The following HOXD3 variants were observed in gnomAD, a reference collection of about 807,000 sequenced individuals.
HOXD3 encodes homeobox D3.
In HOXD3, 13 loss-of-function variants were observed where a neutral mutation model predicts 32.8. That is an observed-to-expected ratio of 0.40 (90% CI 0.26 to 0.63). The LOEUF is 0.63. HOXD3 is among the 20% of genes least tolerant of loss of function. The pLI is 0.44. For synonymous variants in HOXD3, 241 were observed against 246.8 expected, an observed-to-expected ratio of 0.98 and a Z score of 0.22; for missense variants, 504 against 577.1, an observed-to-expected ratio of 0.87 and a Z score of 1.30.
chr2:176,167,587 T>C (rs1387919463), intron 2 of HOXD3, among the ~76,000 whole-genome samples: 1 of 152,090 alleles, frequency 6.6e-6, no homozygotes, highest in Non-Finnish European at 1.5e-5. Context: ...TGCTGATTCA[T>C]AGAGCTTACT....
In HOXD3 at chr2:176,168,690, A is replaced by G. The variant is rs1404182483; in HGVS notation, c.-84-341A>G. Among the ~76,000 whole-genome samples the G allele has an allele frequency of 2.6e-5, 4 of 152,178 alleles. No homozygotes were observed. The South Asian group carries it at 8.3e-4, about 32-fold the overall frequency. Reference sequence around the variant, plus strand: ...CTATTAATACTGCAGAATAGCTGGGACTTTGAAATACTCTGAAATAGCTAT... The same window carrying G: ...CTATTAATACTGCAGAATAGCTGGGGCTTTGAAATACTCTGAAATAGCTAT... On this transcript the variant is annotated intron_variant, in intron 2 of 3. Coordinates refer to ENST00000683222, the MANE Select transcript of HOXD3 (RefSeq NM_006898.5).
At chr2:176,163,488 G>T (rs967190614) in intron 1 of HOXD3, among the ~76,000 whole-genome samples, 26 of 152,096 alleles carry the variant, frequency 1.7e-4, no homozygotes, top group Admixed American at 2.0e-4. Context: ...CAAGAGTGTG[G>T]TGGATACTTA....
At position 176,169,365 on chromosome 2, in the gene HOXD3, C is replaced by T. The variant is rs747173660; in HGVS notation, c.251C>T (p.Ala84Val). The change falls in exon 3 of 4, where the codon GCT (alanine) becomes GTT (valine). Residue 84 changes from alanine to valine, a missense_variant. Ala to Val is a moderately conservative substitution (Grantham distance 64). Around this residue, in one of 3 missense-constraint regions of HOXD3, gnomAD observed 181 missense variants for 172.2 expected, o/e 1.05. Transcript: ENST00000683222. ...CTGAGAGCCCCAGCCCACAAAGGAG[C>T]TGAACTCAATGGCAGCTGCATGCGG... ...APLRAPAHKG[A>V]ELNGSCMRPG... 1 of 1,614,072 alleles carries T rather than the reference C, an allele frequency of 6.2e-7. No individual in the cohort carries two copies. The highest frequency in any genetic ancestry group is 1.7e-5 in the Admixed American group (1 of 60,014).
chr2:176,169,269 C>G lies in HOXD3; in HGVS notation c.155C>G (p.Pro52Arg). The G allele has an allele frequency of 6.2e-7, 1 of 1,614,140 alleles. No homozygotes were observed. The highest frequency in any genetic ancestry group is 8.5e-7 in the Non-Finnish European group (1 of 1,180,024). Residue 52 changes from proline (P) to arginine (R), a missense_variant, in exon 3 of 4, where the codon CCC (proline) becomes CGC (arginine). Physicochemically the swap from Pro to Arg is moderately radical, Grantham distance 103 (BLOSUM62 -2). Coordinates refer to ENST00000683222, the MANE Select transcript of HOXD3 (RefSeq NM_006898.5). ...AGCACCCCCCACCAGCCCTACCCAC[C>G]CCCTGCTGCTGCCAGCTCCCTGGAC... ...GYSTPHQPYP[P>R]PAAASSLDTD... is the part of the protein sequence containing the mutation.
In HOXD3 at chr2:176,169,485, C is replaced by T. The variant is rs140883088; in HGVS notation, c.371C>T (p.Pro124Leu). 70 of 1,613,656 alleles carry T rather than the reference C, an allele frequency of 4.3e-5. No homozygotes were observed. Among genetic ancestry groups the T allele is most frequent in the South Asian group, 4.2e-4 (38 of 90,962 alleles). ...QQPPQPPPPP[P>L]TLPPSSPTNP... The stretch of plus-strand genomic sequence containing the variant: ...CCACCACAACCCCCTCCTCCACCAC[C>T]GACCCTGCCCCCATCTTCACCCACC... The change falls in exon 3 of 4, where the codon CCG (proline) becomes CTG (leucine). Residue 124 changes from proline (P) to leucine (L), a missense_variant. Transcript: ENST00000683222.
chr2:176,154,063 GA>G (rs577266595), upstream of HOXD3, among the ~76,000 whole-genome samples: 1,732 of 138,690 alleles, frequency 0.012, 25 homozygotes, highest in Non-Finnish European at 0.014. Context: ...CTTTAAGAAG[GA>G]AAAAAAAAAA....
intron 1 of HOXD3, among the ~76,000 whole-genome samples, chr2:176,161,937 C>T (rs1261786484): frequency 6.6e-6 from 1 of 152,228 alleles, no homozygotes; most frequent in African/African-American, 2.4e-5. Flanking sequence ...CATCCCGGGT[C>T]TTTCCGTGCC....
At chr2:176,152,647 G>A (rs1189150443), upstream of HOXD3, 1 of 1,614,110 alleles carries the variant, frequency 6.2e-7, no homozygotes, top group East Asian at 2.2e-5. This position sits in a 1 kb window ranked among gnomAD's most constrained non-coding sequence, Gnocchi z 5.2. Flanking sequence ...AAGCGGTCCC[G>A]AACGGCCTAC....
Position 176,171,976 on chromosome 2 carries a change from T to C in HOXD3, c.1001T>C (p.Phe334Ser), listed in dbSNP as rs774551533. ...PQQKRYAAPEFEPHPMASNGG... is the reference protein window; with the variant it reads ...PQQKRYAAPESEPHPMASNGG... ...CAGAAGCGCTACGCAGCGCCGGAGT[T>C]CGAGCCCCATCCCATGGCGAGCAAC... is the stretch of plus-strand genomic sequence containing the variant. Residue 334 changes from phenylalanine to serine, a missense_variant, in exon 4 of 4, where the codon TTC (phenylalanine) becomes TCC (serine). Phe to Ser is a radical substitution (Grantham distance 155). Coordinates refer to ENST00000683222, the MANE Select transcript of HOXD3 (RefSeq NM_006898.5). The C allele has an allele frequency of 1.2e-6, 2 of 1,610,552 alleles. No individual in the cohort carries two copies. Among genetic ancestry groups the C allele is most frequent in the African/African-American group, 2.7e-5 (2 of 74,922 alleles).
rs1386744053 is a variant in HOXD3, at chr2:176,172,248, G to T, written c.1273G>T (p.Glu425Ter). The T allele has an allele frequency of 3.7e-6, 6 of 1,605,320 alleles. No homozygotes were observed. Among genetic ancestry groups the T allele is most frequent in the Admixed American group, 1.7e-5 (1 of 59,844 alleles). The change falls in exon 4 of 4, where the codon GAG (glutamate) becomes TAG (stop). Residue 425 changes from glutamate (E) to a stop codon, truncating the protein, a stop_gained. Transcript: ENST00000683222. LOFTEE classifies it high-confidence loss of function. ...AHHSSQGRLP[E>*]APKLTHL ...CCACTCGTCTCAGGGACGACTGCCG[G>T]AGGCTCCCAAACTGACGCATCTGTA... is the stretch of plus-strand genomic sequence containing the variant.
At chr2:176,153,539 A>G (rs1050978075), upstream of HOXD3, among the ~76,000 whole-genome samples, 3 of 152,236 alleles carry the variant, frequency 2.0e-5, no homozygotes, top group African/African-American at 7.2e-5. Flanking sequence ...TTATGTTTAG[A>G]TATTTGCTTA....
chr2:176,157,082 G>A (rs1049289559), upstream of HOXD3, among the ~76,000 whole-genome samples: 2 of 152,234 alleles, frequency 1.3e-5, no homozygotes, highest in South Asian at 2.1e-4. Context: ...AGTAAATCGG[G>A]ACCCTCGGCG....
chr2:176,169,642 C>T lies in HOXD3; in HGVS notation c.528C>T (p.Ser176=). The T allele has an allele frequency of 6.3e-7, 1 of 1,597,280 alleles. No individual in the cohort carries two copies. The highest frequency in any genetic ancestry group is 8.5e-7 in the Non-Finnish European group (1 of 1,169,940). Residue 176 remains serine (S), a synonymous_variant, in exon 3 of 4, where the codon AGC becomes AGT. Transcript: ENST00000683222. ...ESRQNSKQKN[S]CATAGESCED... Reference sequence around the variant, plus strand: ...GACAGAACTCCAAGCAGAAGAACAGCTGTGCCACTGCAGGTAGCTCCCTGA... The same window carrying T: ...GACAGAACTCCAAGCAGAAGAACAGTTGTGCCACTGCAGGTAGCTCCCTGA...
At chr2:176,152,654 C>G (rs761427941), upstream of HOXD3, 4 of 1,614,176 alleles carry the variant, frequency 2.5e-6, no homozygotes, top group Non-Finnish European at 3.4e-6. The surrounding 1 kb of genome is among the most constrained non-coding windows in gnomAD (Gnocchi z 5.2). Context: ...CCCGAACGGC[C>G]TACACCCGGC....
At position 176,172,835 on chromosome 2, in the gene HOXD3, G is replaced by C. The variant is rs376448993; in HGVS notation, c.*561G>C. Reference sequence around the variant, plus strand: ...AGGAATTCGCTTCCAGGCCGTGGGGGCCACATTTCACCTCCTTAGTCCCCC... The same window carrying C: ...AGGAATTCGCTTCCAGGCCGTGGGGCCCACATTTCACCTCCTTAGTCCCCC... On this transcript the variant is annotated 3_prime_UTR_variant, in exon 4 of 4. Transcript: ENST00000683222. The C allele has an allele frequency of 1.3e-5, 2 of 153,506 alleles. No individual in the cohort carries two copies. Among genetic ancestry groups the C allele is most frequent in the Admixed American group, 1.3e-4 (2 of 15,434 alleles). 9.5% of individuals were successfully genotyped at this position (153,506 alleles called of 1,614,324 possible).
At chr2:176,160,494 G>C (rs532724782) in intron 1 of HOXD3, among the ~76,000 whole-genome samples, 1 of 152,338 alleles carries the variant, frequency 6.6e-6, no homozygotes, top group East Asian at 1.9e-4. Flanking sequence ...ATGGGGCCCA[G>C]GTCCCAAGCC....
upstream of HOXD3, among the ~76,000 whole-genome samples, chr2:176,153,893 A>G (rs975889735): frequency 1.3e-5 from 2 of 152,170 alleles, no homozygotes; most frequent in Non-Finnish European, 1.5e-5. Flanking sequence ...CAAAACCTCT[A>G]TGCACTGGGT....
In HOXD3 at chr2:176,168,982, G is replaced by T. The variant is rs1195801830; in HGVS notation, c.-84-49G>T. On this transcript the variant is annotated intron_variant, in intron 2 of 3. Transcript: ENST00000683222. ...TGGGCTAGTCCTTCTATATTGACTG[G>T]TCTTGCCAATGACACTCCCTCTGGG... is the stretch of plus-strand genomic sequence containing the variant. 14 of 1,394,530 alleles carry T rather than the reference G, an allele frequency of 1.0e-5. No individual in the cohort carries two copies. The Admixed American group carries it at 1.7e-4, about 17-fold the overall frequency. The allele number at this position is 1,394,530 out of a possible 1,614,324, so 86.4% of individuals were successfully genotyped here. A position where few individuals can be genotyped will look rare whatever the true frequency, so the allele number is the denominator to read the frequency against.
At chr2:176,152,660 C>T (rs759961215), upstream of HOXD3, 2 of 1,614,180 alleles carry the variant, frequency 1.2e-6, no homozygotes, top group Admixed American at 3.3e-5. This position sits in a 1 kb window ranked among gnomAD's most constrained non-coding sequence, Gnocchi z 5.2. Context: ...CGGCCTACAC[C>T]CGGCAGCAAG....
Sources: gnomAD v4.1 joint callset for allele counts (sites outside exome capture counted in the v4.1 genomes callset) on GRCh38, gnomAD v4.1.1 for gene constraint, gnomAD v4.1.1 regional missense constraint, Gnocchi (gnomAD v3.1) non-coding constraint, MANE v1.5 for transcripts, NCBI Gene and HGNC (gene_info 2026-07-23, HGNC 2026-07-21) for gene names.